The following BABAM2 variants were observed in gnomAD, a reference collection of about 807,000 sequenced individuals.
BABAM2 encodes BRISC and BRCA1-A complex member 2.
Under a neutral mutation model 54.7 loss-of-function variants are expected in BABAM2, and 31 were observed. The observed-to-expected ratio is 0.57, with a 90% confidence interval of 0.43 to 0.77. The LOEUF is 0.77. Among genes scored for constraint, BABAM2 ranks in the 30% least tolerant of loss-of-function variants. The probability of loss-of-function intolerance (pLI) is 0.00; values close to 1 mark genes in which losing one functional copy is unlikely to be tolerated. For missense variants in BABAM2, 364 were observed against 455.8 expected, an observed-to-expected ratio of 0.80 and a Z score of 1.83; for synonymous variants, 167 against 162.9, an observed-to-expected ratio of 1.03 and a Z score of -0.19.
intron 7 of BABAM2, among the ~76,000 whole-genome samples, chr2:28,193,576 G>T (rs1172676042): frequency 6.6e-6 from 1 of 152,160 alleles, no homozygotes; most frequent in Non-Finnish European, 1.5e-5. Flanking sequence ...AAAATACAAG[G>T]AGTTGTTATT....
At chr2:28,192,078 A>T (rs1676973024) in intron 7 of BABAM2, among the ~76,000 whole-genome samples, 2 of 152,170 alleles carry the variant, frequency 1.3e-5, no homozygotes, top group African/African-American at 2.4e-5. Flanking sequence ...TCTGTCACCC[A>T]GGCTGGAGTG....
At chr2:28,059,877 C>T (rs977452144) in intron 6 of BABAM2, among the ~76,000 whole-genome samples, 1 of 152,130 alleles carries the variant, frequency 6.6e-6, no homozygotes, top group Admixed American at 6.5e-5. Context: ...AATATGTTCC[C>T]ACCATGAAAA....
At chr2:27,935,662 C>T (rs930715447) in intron 3 of BABAM2, among the ~76,000 whole-genome samples, 1 of 152,172 alleles carries the variant, frequency 6.6e-6, no homozygotes, top group Non-Finnish European at 1.5e-5. Flanking sequence ...ACAATTCTAT[C>T]GGACAGTATC....
At chr2:28,278,373 G>A (rs920927938) in intron 10 of BABAM2, among the ~76,000 whole-genome samples, 2 of 152,090 alleles carry the variant, frequency 1.3e-5, no homozygotes, top group East Asian at 3.9e-4. Context: ...GGAATAGGGA[G>A]GAAGAGGAAA....
chr2:28,106,232 G>T (rs1019821939), intron 6 of BABAM2, among the ~76,000 whole-genome samples: 2 of 151,504 alleles, frequency 1.3e-5, no homozygotes, highest in African/African-American at 4.8e-5. Context: ...CACTTATATT[G>T]TCCCAATGAT....
chr2:28,176,686 T>C (rs752295879), intron 7 of BABAM2, among the ~76,000 whole-genome samples: 2 of 140,404 alleles, frequency 1.4e-5, no homozygotes, highest in African/African-American at 2.7e-5. Flanking sequence ...ACCAAAGAGA[T>C]AGATATCCTT....
chr2:27,904,799 C>G (rs1368240214), intron 2 of BABAM2, among the ~76,000 whole-genome samples: 5 of 152,148 alleles, frequency 3.3e-5, no homozygotes, highest in Non-Finnish European at 5.9e-5. Flanking sequence ...TTCAGACTTT[C>G]AAGAACTCAA....
intron 6 of BABAM2, among the ~76,000 whole-genome samples, chr2:28,051,225 G>C (rs569695188): frequency 2.0e-5 from 3 of 152,170 alleles, no homozygotes; most frequent in Non-Finnish European, 4.4e-5. Context: ...CAAAATGTGC[G>C]TTTAATCTCA....
chr2:28,236,862 G>A (rs1376358355), intron 7 of BABAM2, among the ~76,000 whole-genome samples: 8 of 152,148 alleles, frequency 5.3e-5, no homozygotes, highest in Non-Finnish European at 1.2e-4. Context: ...TAACTTATCT[G>A]TGCCCAGCAA....
chr2:27,930,444 A>G (rs1264065104), intron 3 of BABAM2: 1 of 153,224 alleles, frequency 6.5e-6, no homozygotes, highest in East Asian at 1.9e-4. Context: ...TACAAGGGCT[A>G]GATTGGTAAT....
chr2:27,965,494 C>T lies in BABAM2; in HGVS notation c.206-22499C>T, dbSNP rs151259452. On this transcript the variant is annotated intron_variant, in intron 3 of 11. Coordinates refer to ENST00000379624, the MANE Select transcript of BABAM2 (RefSeq NM_199191.3). ...AAATAATTTTGAAGCAAATTCCGAG[C>T]GTCATATCGTGTCATCCATAAGTAT... Among the ~76,000 whole-genome samples, 615 of 152,122 alleles carry T rather than the reference C, an allele frequency of 4.0e-3. 1 individual carries two copies. The highest frequency in any genetic ancestry group is 6.4e-3 in the Non-Finnish European group (437 of 67,982).
At chr2:28,206,903 T>C (rs1289214385) in intron 7 of BABAM2, among the ~76,000 whole-genome samples, 3 of 152,228 alleles carry the variant, frequency 2.0e-5, no homozygotes, top group Non-Finnish European at 2.9e-5. Context: ...TTGCTGCTGC[T>C]ATTATGAAGG....
chr2:28,320,047 G>A (rs1689897298), intron 11 of BABAM2, among the ~76,000 whole-genome samples: 1 of 152,084 alleles, frequency 6.6e-6, no homozygotes, highest in Non-Finnish European at 1.5e-5. Flanking sequence ...GCAGTGTTGT[G>A]GTCAGATCCG....
chr2:27,914,528 A>G (rs140926637), intron 2 of BABAM2, among the ~76,000 whole-genome samples: 1 of 152,276 alleles, frequency 6.6e-6, no homozygotes, highest in Non-Finnish European at 1.5e-5. Flanking sequence ...TGAAGTGTTC[A>G]AGGAATAGTT....
chr2:28,011,758 G>A (rs1202599876), intron 4 of BABAM2, among the ~76,000 whole-genome samples: 1 of 152,138 alleles, frequency 6.6e-6, no homozygotes, highest in Non-Finnish European at 1.5e-5. Flanking sequence ...TATTCCTGTG[G>A]GTTTGTTTGT....
At chr2:27,941,586 A>G (rs899191495) in intron 3 of BABAM2, among the ~76,000 whole-genome samples, 3 of 152,054 alleles carry the variant, frequency 2.0e-5, no homozygotes, top group African/African-American at 7.2e-5. Context: ...ATAGTTGTTT[A>G]TCATCTGAGA....
In BABAM2 at chr2:28,327,619, G is replaced by A. The variant is rs1017071902; in HGVS notation, c.1089-10831G>A. Among the ~76,000 whole-genome samples, 9 of 152,290 alleles carry A rather than the reference G, an allele frequency of 5.9e-5. No individual in the cohort carries two copies. In the Middle Eastern group the frequency reaches 0.01, roughly 173 times the overall value. On this transcript the variant is annotated intron_variant, in intron 11 of 11. Transcript: ENST00000379624. The stretch of plus-strand genomic sequence containing the variant: ...CAGCCTTCTCACAGGCGAGGAGGCC[G>A]AGCTGTATAAATTGTAGTCTAGACA...
intron 4 of BABAM2, among the ~76,000 whole-genome samples, chr2:28,005,838 C>T (rs192217216): frequency 2.6e-4 from 40 of 152,256 alleles, no homozygotes; most frequent in African/African-American, 9.4e-4. Context: ...TATTCACTTA[C>T]TGCCTAGTAG....
chr2:28,267,560 A>G (rs565046941), intron 10 of BABAM2, among the ~76,000 whole-genome samples: 1 of 152,294 alleles, frequency 6.6e-6, no homozygotes, highest in East Asian at 1.9e-4. Context: ...GTAACGTTTT[A>G]TTTCCTGTGC....
Sources: gnomAD v4.1 joint callset for allele counts (sites outside exome capture counted in the v4.1 genomes callset) on GRCh38, gnomAD v4.1.1 for gene constraint, MANE v1.5 for transcripts, NCBI Gene and HGNC (gene_info 2026-07-23, HGNC 2026-07-21) for gene names.